The following ANKRD62 variants were observed in gnomAD, a reference collection of about 807,000 sequenced individuals.
The protein encoded by ANKRD62 is ankyrin repeat domain-containing protein 62.
Under a neutral mutation model 98.8 loss-of-function variants are expected in ANKRD62, and 61 were observed. The ratio of observed to expected loss-of-function variants is 0.62; its 90% CI spans 0.50 to 0.76. The LOEUF is 0.76. Among genes scored for constraint, ANKRD62 ranks in the 30% least tolerant of loss-of-function variants. The pLI is 0.00. For synonymous variants in ANKRD62, 341 were observed against 367.9 expected (o/e 0.93, Z 0.84); for missense variants, 933 against 1,082.9 (o/e 0.86, Z 1.94).
At chr18:12,131,123 G>T (rs1271009002), downstream of ANKRD62, among the ~76,000 whole-genome samples, 1 of 152,148 alleles carries the variant, frequency 6.6e-6, no homozygotes, top group African/African-American at 2.4e-5. Context: ...GTTTCAAATT[G>T]TACAGCATTT....
At chr18:12,153,433 A>G in the ANKRD62 span, among the ~76,000 whole-genome samples, 1 of 151,824 alleles carries the variant, frequency 6.6e-6, no homozygotes, top group South Asian at 2.1e-4. Context: ...CTCTACTAAA[A>G]ATACAAAAAT....
chr18:12,094,263 G>C (rs757088748), intron 1 of ANKRD62, 28 bp downstream of exon 1: 1 of 1,505,614 alleles, frequency 6.6e-7, no homozygotes. Flanking sequence ...CCGGGAGGAG[G>C]CCTGGGGATA....
intron 11 of ANKRD62, among the ~76,000 whole-genome samples, chr18:12,123,276 A>T (rs1172165903): frequency 2.0e-5 from 3 of 151,446 alleles, no homozygotes; most frequent in Admixed American, 1.3e-4. Flanking sequence ...CTGGTCTCAA[A>T]CTCCTGACCG....
chr18:12,152,891 T>C, the ANKRD62 span, among the ~76,000 whole-genome samples: 2 of 152,040 alleles, frequency 1.3e-5, no homozygotes, highest in African/African-American at 4.8e-5. Flanking sequence ...AAGATTCCAT[T>C]TCCAAAGAAA....
At chr18:12,104,243 T>G (rs1183528147) in intron 7 of ANKRD62, among the ~76,000 whole-genome samples, 2 of 152,166 alleles carry the variant, frequency 1.3e-5, no homozygotes, top group Non-Finnish European at 2.9e-5. Context: ...ATTTTAGGCT[T>G]ATGCAAACTA....
chr18:12,177,598 G>A, the ANKRD62 span, among the ~76,000 whole-genome samples: 1 of 151,932 alleles, frequency 6.6e-6, no homozygotes, highest in Non-Finnish European at 1.5e-5. Context: ...ATACATTGTA[G>A]GACACGCCAA....
At chr18:12,165,412 GTGTGTGTATCCAT>G in the ANKRD62 span, among the ~76,000 whole-genome samples, 1 of 151,210 alleles carries the variant, frequency 6.6e-6, no homozygotes. Flanking sequence ...TGCTTTTTTT[GTGTGTGTATCCAT>G]TGTGTTTTTC....
chr18:12,101,249 T>G (rs1378293352), intron 6 of ANKRD62, among the ~76,000 whole-genome samples: 2 of 152,192 alleles, frequency 1.3e-5, no homozygotes, highest in Admixed American at 1.3e-4. Context: ...ACATTAGAGA[T>G]TCCCATAGTG....
chr18:12,098,466 A>G (rs1217450637), intron 5 of ANKRD62: 2 of 152,272 alleles, frequency 1.3e-5, no homozygotes, highest in Admixed American at 1.3e-4. Flanking sequence ...TTGGACCAAT[A>G]CAGAGAAAAT....
intron 10 of ANKRD62, among the ~76,000 whole-genome samples, chr18:12,119,545 A>AG (rs1194063227): frequency 2.0e-5 from 3 of 152,168 alleles, no homozygotes; most frequent in South Asian, 4.1e-4. Context: ...ACATGGCAGA[A>AG]GGGGCGGAGG....
the ANKRD62 span, among the ~76,000 whole-genome samples, chr18:12,165,180 T>C: frequency 6.6e-6 from 1 of 152,016 alleles, no homozygotes; most frequent in Non-Finnish European, 1.5e-5. Flanking sequence ...AGATAAAGTG[T>C]GCTTCTTGTA....
intron 5 of ANKRD62, 85 bp downstream of exon 5, chr18:12,097,862 A>G (rs1445506036): frequency 6.8e-7 from 1 of 1,468,132 alleles, no homozygotes; most frequent in Non-Finnish European, 9.1e-7. Flanking sequence ...GTGAGATTTC[A>G]TAGTTTGGTT....
intron 5 of ANKRD62, chr18:12,098,517 A>G (rs1325180136): frequency 6.6e-6 from 1 of 152,254 alleles, no homozygotes; most frequent in Non-Finnish European, 1.5e-5. Flanking sequence ...TAATCTGTGA[A>G]GCAGTCCATA....
chr18:12,096,556 T>C (rs998679960), intron 4 of ANKRD62, among the ~76,000 whole-genome samples: 2 of 152,194 alleles, frequency 1.3e-5, no homozygotes, highest in African/African-American at 4.8e-5. Flanking sequence ...CTTTGAGTCA[T>C]ATGATCTTAA....
the ANKRD62 span, among the ~76,000 whole-genome samples, chr18:12,138,945 G>A: frequency 1.6e-4 from 24 of 152,064 alleles, no homozygotes; most frequent in Non-Finnish European, 2.6e-4. Flanking sequence ...GTCTCTGCAC[G>A]TGAGATGGGT....
chr18:12,109,123 C>G (rs1188766973), intron 8 of ANKRD62, among the ~76,000 whole-genome samples: 1 of 152,210 alleles, frequency 6.6e-6, no homozygotes, highest in Non-Finnish European at 1.5e-5. Flanking sequence ...GCCCCATTGG[C>G]AACTCTTTTT....
At chr18:12,133,240 T>C (rs1400574919), downstream of ANKRD62, among the ~76,000 whole-genome samples, 1 of 152,214 alleles carries the variant, frequency 6.6e-6, no homozygotes, top group African/African-American at 2.4e-5. Context: ...TCATACAGCA[T>C]GTATCAGTAG....
At chr18:12,095,660 A>G (rs962464222) in intron 3 of ANKRD62, 50 bp downstream of exon 3, 15 of 1,406,448 alleles carry the variant, frequency 1.1e-5, no homozygotes, top group Non-Finnish European at 1.4e-5. Context: ...TATTTGTTTT[A>G]CCATTGACAT....
At chr18:12,156,818 T>G in the ANKRD62 span, among the ~76,000 whole-genome samples, 2 of 152,238 alleles carry the variant, frequency 1.3e-5, no homozygotes, top group Non-Finnish European at 2.9e-5. Context: ...GGTTGTAACT[T>G]TGAGTCATTG....
Sources: allele counts gnomAD v4.1 joint callset (sites outside exome capture counted in the v4.1 genomes callset), GRCh38; gene constraint gnomAD v4.1.1; transcripts MANE v1.5; gene names NCBI Gene and HGNC (gene_info 2026-07-23, HGNC 2026-07-21).